Variants in NRXN1 observed in about 807,000 individuals in gnomAD.
NRXN1 encodes the protein neurexin 1.
A neutral mutation model predicts 150.9 loss-of-function variants in NRXN1; 39 were observed. That is an observed-to-expected ratio of 0.26 (90% CI 0.20 to 0.34). The LOEUF is 0.34. Ranked by LOEUF, NRXN1 falls within the 10% of genes least tolerant of loss-of-function variation. The probability of loss-of-function intolerance (pLI) is 1.00; values close to 1 mark genes in which losing one functional copy is unlikely to be tolerated. For synonymous variants in NRXN1, 924 were observed against 757.0 expected (o/e 1.22, Z -3.62); for missense variants, 1,815 against 1,949.9 (o/e 0.93, Z 1.30).
rs1197165731 is a variant in NRXN1, at chr2:50,828,277, C to A, written c.832+93592G>T. Among the ~76,000 whole-genome samples, 97 of 117,086 alleles carry A rather than the reference C, an allele frequency of 8.3e-4. No homozygotes were observed. In the South Asian group the frequency reaches 0.021, roughly 25 times the overall value. 76.8% of individuals were successfully genotyped at this position (117,086 alleles called of 152,430 possible). The stretch of plus-strand genomic sequence containing the variant: ...GCGGCTGGCCGGGCGGGGGGCTGAC[C>A]CCCCCCACCTCCCTCCCGGACGGGG... On this transcript the variant is annotated intron_variant, in intron 5 of 22. Transcript: ENST00000401669.
chr2:50,503,178 T>C (rs7559799), intron 13 of NRXN1, among the ~76,000 whole-genome samples: 27,244 of 151,826 alleles, frequency 0.18, 3,416 homozygotes, highest in East Asian at 0.39. Context: ...CATGATAGCA[T>C]GTGCCTGTAA....
chr2:50,724,346 C>A (rs1362351006), intron 5 of NRXN1, among the ~76,000 whole-genome samples: 1 of 152,052 alleles, frequency 6.6e-6, no homozygotes, highest in Non-Finnish European at 1.5e-5. Flanking sequence ...TGAGAAGGAA[C>A]CTTTAGAAAT....
intron 18 of NRXN1, among the ~76,000 whole-genome samples, chr2:50,151,535 C>A (rs2058697519): frequency 6.6e-6 from 1 of 151,506 alleles, no homozygotes; most frequent in Admixed American, 6.6e-5. Flanking sequence ...CTTCTAGTTT[C>A]TAATGTATTT....
At chr2:50,248,592 T>C (rs1330981115) in intron 17 of NRXN1, among the ~76,000 whole-genome samples, 1 of 152,206 alleles carries the variant, frequency 6.6e-6, no homozygotes, top group Non-Finnish European at 1.5e-5. Flanking sequence ...TAGTCAACTC[T>C]GGGATCAGTT....
In NRXN1 at chr2:50,966,292, T is replaced by A. The variant is rs542826918; in HGVS notation, c.773-40337A>T. ...AATTCTTAACAGAGCTGCCCATAAG[T>A]CAATTAAATCATGGCGCCACATCAG... On this transcript the variant is annotated intron_variant, in intron 2 of 22. Transcript: ENST00000401669. 3.3e-5 allele frequency among the ~76,000 whole-genome samples: 5 copies of A among 150,784 alleles called. No individual in the cohort carries two copies. In the South Asian group the frequency reaches 1.0e-3, roughly 31 times the overall value.
intron 21 of NRXN1, among the ~76,000 whole-genome samples, chr2:49,954,645 A>T (rs772693900): frequency 1.3e-5 from 2 of 152,168 alleles, no homozygotes; most frequent in Non-Finnish European, 2.9e-5. Context: ...TGCTCCTTAC[A>T]ATAGGAGTGG....
At chr2:50,918,719 C>A in intron 5 of NRXN1, 1 of 331,174 alleles carries the variant, frequency 3.0e-6, no homozygotes, top group Admixed American at 5.0e-5. Context: ...GAAACAAGAA[C>A]AAAAGAGAAA....
At chr2:50,118,471 C>T (rs1195154716) in intron 18 of NRXN1, among the ~76,000 whole-genome samples, 3 of 150,498 alleles carry the variant, frequency 2.0e-5, no homozygotes, top group African/African-American at 7.4e-5. Flanking sequence ...TTTCTTTAGA[C>T]AAAATTGGAA....
chr2:50,898,195 T>C (rs1682320046), intron 5 of NRXN1, among the ~76,000 whole-genome samples: 1 of 152,172 alleles, frequency 6.6e-6, no homozygotes. Context: ...TTTGTTTCTA[T>C]ATGAAGAATC....
At chr2:50,228,956 A>T (rs1238219917) in intron 18 of NRXN1, among the ~76,000 whole-genome samples, 3 of 151,972 alleles carry the variant, frequency 2.0e-5, no homozygotes, top group Non-Finnish European at 4.4e-5. Context: ...AAGAATCCCT[A>T]GTTCTGGTCT....
chr2:50,821,999 G>C (rs1233288784), intron 5 of NRXN1, among the ~76,000 whole-genome samples: 2 of 152,076 alleles, frequency 1.3e-5, no homozygotes, highest in South Asian at 2.1e-4. Context: ...CAAATGTTTT[G>C]ATAGGAAAAC....
intron 2 of NRXN1, among the ~76,000 whole-genome samples, chr2:50,931,172 T>C (rs1687686672): frequency 6.6e-6 from 1 of 152,138 alleles, no homozygotes; most frequent in African/African-American, 2.4e-5. Context: ...ATAAGACTAA[T>C]GGTCTTCATT....
chr2:50,897,544 T>C (rs1682186902), intron 5 of NRXN1, among the ~76,000 whole-genome samples: 1 of 152,184 alleles, frequency 6.6e-6, no homozygotes, highest in Admixed American at 6.5e-5. Context: ...AAATAAAACA[T>C]ACACATAAAA....
chr2:50,397,012 A>G (rs996527734), intron 17 of NRXN1, among the ~76,000 whole-genome samples: 12 of 152,054 alleles, frequency 7.9e-5, no homozygotes, highest in African/African-American at 2.7e-4. Context: ...CTTTTTAAGA[A>G]GCAGCACGTT....
chr2:50,601,238 G>A (rs537710539), intron 8 of NRXN1, among the ~76,000 whole-genome samples: 2 of 152,094 alleles, frequency 1.3e-5, no homozygotes, highest in South Asian at 2.1e-4. Flanking sequence ...GACTACCTAC[G>A]AGAAAAATAA....
At chr2:50,695,738 A>G (rs1692732932) in intron 5 of NRXN1, among the ~76,000 whole-genome samples, 1 of 152,120 alleles carries the variant, frequency 6.6e-6, no homozygotes, top group Admixed American at 6.5e-5. Flanking sequence ...AAATGGTTAG[A>G]TATCGCTTTT....
intron 5 of NRXN1, among the ~76,000 whole-genome samples, chr2:50,654,593 A>G (rs1437293583): frequency 6.6e-6 from 1 of 152,044 alleles, no homozygotes; most frequent in African/African-American, 2.4e-5. Context: ...TAGATCCCTG[A>G]GGAATCGCCA....
intron 18 of NRXN1, among the ~76,000 whole-genome samples, chr2:50,107,505 C>T (rs1275133400): frequency 7.1e-6 from 1 of 140,870 alleles, no homozygotes; most frequent in East Asian, 2.1e-4. Flanking sequence ...TTGTCACATG[C>T]TACATTCCAG....
At chr2:50,558,589 C>T (rs1489762097) in intron 8 of NRXN1, among the ~76,000 whole-genome samples, 1 of 152,090 alleles carries the variant, frequency 6.6e-6, no homozygotes, top group African/African-American at 2.4e-5. Context: ...TAGCAGAGGG[C>T]CTATTTCTGT....
Sources: gnomAD v4.1 joint callset for allele counts (sites outside exome capture counted in the v4.1 genomes callset) on GRCh38, gnomAD v4.1.1 for gene constraint, MANE v1.5 for transcripts, NCBI Gene and HGNC (gene_info 2026-07-23, HGNC 2026-07-21) for gene names.